The following CASD1 variants were observed in gnomAD, a reference collection of about 807,000 sequenced individuals.
CASD1 encodes CAS1 domain sialic acid O acetyltransferase 1.
CASD1 carries 41 observed loss-of-function variants against 100.0 expected under a neutral mutation model. The ratio of observed to expected loss-of-function variants is 0.41; its 90% confidence interval spans 0.32 to 0.53. CASD1 has a LOEUF of 0.53. Among genes scored for constraint, CASD1 ranks in the 20% least tolerant of loss-of-function variants. CASD1 has a pLI of 0.25. For missense variants in CASD1, 774 were observed against 948.7 expected, an observed-to-expected ratio of 0.82 and a Z score of 2.42; for synonymous variants, 321 against 315.6, an observed-to-expected ratio of 1.02 and a Z score of -0.18.
chr7:94,524,671 C>G (rs1794466473), intron 3 of CASD1, among the ~76,000 whole-genome samples: 1 of 152,012 alleles, frequency 6.6e-6, no homozygotes, highest in Non-Finnish European at 1.5e-5. Context: ...GAGACATATC[C>G]AAGAAGATAA....
the CASD1 span, among the ~76,000 whole-genome samples, chr7:94,582,232 C>T: frequency 6.6e-6 from 1 of 152,148 alleles, no homozygotes; most frequent in African/African-American, 2.4e-5. Context: ...ATTCTCTTGC[C>T]TCAGCCTTCC....
intron 15 of CASD1, 35 bp from the exon 16 acceptor site, chr7:94,552,315 C>T: frequency 6.6e-7 from 1 of 1,516,790 alleles, no homozygotes; most frequent in East Asian, 2.3e-5. Flanking sequence ...TCCAGACTTG[C>T]TTTTTTGAAC....
At chr7:94,593,236 C>A in the CASD1 span, among the ~76,000 whole-genome samples, 2 of 152,022 alleles carry the variant, frequency 1.3e-5, no homozygotes, top group African/African-American at 4.8e-5. Flanking sequence ...CAACCTATCT[C>A]CTGTTTTGAG....
At chr7:94,564,996 A>G in the CASD1 span, among the ~76,000 whole-genome samples, 4 of 152,080 alleles carry the variant, frequency 2.6e-5, no homozygotes, top group Admixed American at 2.6e-4. Flanking sequence ...ATTGGGCTAC[A>G]GCTCTCAGCC....
intron 3 of CASD1, among the ~76,000 whole-genome samples, chr7:94,525,047 C>T (rs1431287624): frequency 6.6e-6 from 1 of 152,018 alleles, no homozygotes; most frequent in African/African-American, 2.4e-5. Flanking sequence ...GAGATATATG[C>T]TTAAGTATTT....
At chr7:94,616,324 A>C in the CASD1 span, among the ~76,000 whole-genome samples, 1 of 152,230 alleles carries the variant, frequency 6.6e-6, no homozygotes, top group African/African-American at 2.4e-5. Flanking sequence ...ATGTGTAATA[A>C]ATAGGAAATA....
chr7:94,549,553 TTC>T lies in CASD1; in HGVS notation c.1738_1739del (p.Trp581AlafsTer7). On this transcript the variant is annotated frameshift_variant, in exon 14 of 18. Coordinates refer to ENST00000297273, the MANE Select transcript of CASD1 (RefSeq NM_022900.5). LOFTEE classifies it high-confidence loss of function. ...YSQGAFEKIFSLWPLSKCFEL... is the reference protein window; with the variant it reads ...YSQGAFEKIFXLWPLSKCFEL... ...TTCAGGGTGCATTTGAGAAGATCTT[TTC>T]TCTTTGGCCATTGTCCAAGTGTTTT... is the stretch of plus-strand genomic sequence containing the variant. 6.2e-7 allele frequency: 1 copy of T among 1,609,836 alleles called. No homozygotes were observed. The highest frequency in any genetic ancestry group is 8.5e-7 in the Non-Finnish European group (1 of 1,178,014).
the CASD1 span, among the ~76,000 whole-genome samples, chr7:94,578,437 C>A: frequency 5.3e-5 from 8 of 152,292 alleles, no homozygotes; most frequent in Non-Finnish European, 7.4e-5. Flanking sequence ...TCAAGTGTTA[C>A]CTAGCCCAAC....
chr7:94,517,142 G>A (rs1253375395), intron 1 of CASD1, among the ~76,000 whole-genome samples: 2 of 152,138 alleles, frequency 1.3e-5, no homozygotes, highest in Non-Finnish European at 2.9e-5. Context: ...GACCTCGAGT[G>A]ATCTGCCCAC....
chr7:94,544,529 A>G lies in CASD1; in HGVS notation c.1475A>G (p.Gln492Arg). The G allele has an allele frequency of 2.5e-6, 4 of 1,611,132 alleles. No individual in the cohort carries two copies. Among genetic ancestry groups the G allele is most frequent in the Non-Finnish European group, 3.4e-6 (4 of 1,178,866 alleles). Reference sequence around the variant, plus strand: ...GATTTTGGAATCTATAGAGTATGTCAGGTAGGAATGCACTGTTATTTCCTT... The same window carrying G: ...GATTTTGGAATCTATAGAGTATGTCGGGTAGGAATGCACTGTTATTTCCTT... ...KGDFGIYRVC[Q>R]VLFRLNFLVV... is the part of the protein sequence containing the mutation. Residue 492 changes from glutamine to arginine, a missense_variant and splice_region_variant, in exon 11 of 18, where the codon CAG (glutamine) becomes CGG (arginine). Gln to Arg is a conservative substitution (Grantham distance 43). This residue lies in a region of CASD1 where 453 missense variants were observed against 532.6 expected (regional missense o/e 0.85). Coordinates refer to ENST00000297273, the MANE Select transcript of CASD1 (RefSeq NM_022900.5).
At chr7:94,593,301 A>G in the CASD1 span, among the ~76,000 whole-genome samples, 1 of 151,966 alleles carries the variant, frequency 6.6e-6, no homozygotes, top group Non-Finnish European at 1.5e-5. Flanking sequence ...AATAAGGAAA[A>G]TTTTTGTGTA....
At chr7:94,602,216 CCAT>C in the CASD1 span, among the ~76,000 whole-genome samples, 2 of 152,166 alleles carry the variant, frequency 1.3e-5, no homozygotes, top group South Asian at 4.1e-4. Flanking sequence ...ATCGTTAGCA[CCAT>C]GATTGAACAA....
At chr7:94,621,407 G>C in the CASD1 span, 2 of 152,202 alleles carry the variant, frequency 1.3e-5, no homozygotes, top group African/African-American at 4.8e-5. Context: ...CCGTTATTTA[G>C]ACAAAGAGCC....
At chr7:94,631,412 T>A in the CASD1 span, among the ~76,000 whole-genome samples, 2 of 151,930 alleles carry the variant, frequency 1.3e-5, no homozygotes, top group African/African-American at 4.8e-5. Flanking sequence ...CCATCTGGTA[T>A]GGGAGACCAA....
the CASD1 span, among the ~76,000 whole-genome samples, chr7:94,604,806 A>AATATATATATAT: frequency 8.3e-4 from 37 of 44,386 alleles, no homozygotes; most frequent in Non-Finnish European, 1.1e-3. Context: ...ATGGTGCTGG[A>AATATATATATAT]ATATATATAT....
In CASD1 at chr7:94,510,377, C is replaced by T. The variant is rs376264678; in HGVS notation, c.133+160C>T. ...CAGGTGTCCCCAGCAGCGGCCGGCG[C>T]CCGAGGCCAACTGAGTGGACCCCAG... On this transcript the variant is annotated intron_variant, in intron 1 of 17. Coordinates refer to ENST00000297273, the MANE Select transcript of CASD1 (RefSeq NM_022900.5). Among the ~76,000 whole-genome samples the T allele has an allele frequency of 1.2e-4, 19 of 152,280 alleles. No individual in the cohort carries two copies. The East Asian group carries it at 2.0e-3, about 16-fold the overall frequency.
rs148285590 is a variant in CASD1 at position 94,546,740 on chromosome 7, C to G, written c.1634-356C>G. The stretch of plus-strand genomic sequence containing the variant: ...GCAATATCACCAAAGTCATATTCAA[C>G]AGGAGTGTTTGTTAGAATTATATTG... On this transcript the variant is annotated intron_variant, in intron 12 of 17. Transcript: ENST00000297273. Among the ~76,000 whole-genome samples the G allele has an allele frequency of 4.7e-3, 717 of 151,942 alleles. 7 individuals are homozygous for G. Among genetic ancestry groups the G allele is most frequent in the South Asian group, 9.6e-3 (46 of 4,816 alleles).
At position 94,545,696 on chromosome 7, in the gene CASD1, C is replaced by A; in HGVS notation, c.1628C>A (p.Ala543Glu). The A allele has an allele frequency of 6.3e-7, 1 of 1,579,666 alleles. No individual in the cohort carries two copies. The highest frequency in any genetic ancestry group is 1.2e-5 in the South Asian group (1 of 85,160). The change falls in exon 12 of 18, where the codon GCA becomes GAA. Residue 543 changes from alanine (A) to glutamate (E), a missense_variant. Coordinates refer to ENST00000297273, the MANE Select transcript of CASD1 (RefSeq NM_022900.5). ...TGGCCACAAATAATCCAAAAAAAAG[C>A]AAACGGTAAATATACTTTCTTACTA... is the stretch of plus-strand genomic sequence containing the variant. ...ALWPQIIQKK[A>E]NGNCFWHFGL...
the CASD1 span, chr7:94,588,545 A>G: frequency 2.7e-6 from 4 of 1,493,644 alleles, no homozygotes; most frequent in Non-Finnish European, 3.6e-6. Flanking sequence ...TATTATTCTG[A>G]GGTTTTAAGT....
Sources: allele counts gnomAD v4.1 joint callset (sites outside exome capture counted in the v4.1 genomes callset), GRCh38; gene constraint gnomAD v4.1.1; regional missense constraint gnomAD v4.1.1; transcripts MANE v1.5; gene names NCBI Gene and HGNC (gene_info 2026-07-23, HGNC 2026-07-21).